CLNK: variants seen among roughly 807,000 people sequenced by gnomAD.
CLNK encodes the protein cytokine dependent hematopoietic cell linker, also known as cytokine-dependent hematopoietic cell linker.
A neutral mutation model predicts 68.6 loss-of-function variants in CLNK; 74 were observed. The observed-to-expected ratio is 1.08, with a 90% CI of 0.89 to 1.31. The LOEUF (loss-of-function observed/expected upper bound fraction) is 1.31, where lower values mean the gene tolerates loss of function less well. Among genes scored for constraint, CLNK ranks in the 50% most tolerant of loss-of-function variants. The pLI is 0.00. For missense variants in CLNK, 553 were observed against 515.3 expected (o/e 1.07, Z -0.71); for synonymous variants, 198 against 172.2 (o/e 1.15, Z -1.17).
chr4:10,604,133 C>T (rs1433890301), intron 2 of CLNK, among the ~76,000 whole-genome samples: 1 of 152,146 alleles, frequency 6.6e-6, no homozygotes, highest in East Asian at 1.9e-4. Context: ...TCACCTTCCT[C>T]ATACATTGAT....
At chr4:10,575,282 C>T (rs1277454712) in intron 4 of CLNK, among the ~76,000 whole-genome samples, 1 of 152,230 alleles carries the variant, frequency 6.6e-6, no homozygotes, top group Admixed American at 6.5e-5. Context: ...GCCAGCCTCT[C>T]CTTGAGTCTG....
At chr4:10,501,470 T>C in intron 17 of CLNK, 59 bp from the exon 18 acceptor site, 2 of 1,537,838 alleles carry the variant, frequency 1.3e-6, no homozygotes, top group Non-Finnish European at 8.8e-7. Context: ...GCCCTTGTAA[T>C]GGTGGCAACA....
intron 4 of CLNK, among the ~76,000 whole-genome samples, chr4:10,582,364 GAC>G: frequency 6.6e-6 from 1 of 152,138 alleles, no homozygotes; most frequent in Non-Finnish European, 1.5e-5. Flanking sequence ...CAACCTTGAA[GAC>G]TGCTTTCCTT....
chr4:10,514,084 C>T (rs1320224225), intron 15 of CLNK, among the ~76,000 whole-genome samples: 1 of 138,536 alleles, frequency 7.2e-6, no homozygotes, highest in Non-Finnish European at 1.5e-5. Context: ...GTTCAATTCC[C>T]ACCTATGAGT....
chr4:10,677,264 G>A (rs968209318), intron 1 of CLNK, among the ~76,000 whole-genome samples: 6 of 152,258 alleles, frequency 3.9e-5, no homozygotes, highest in South Asian at 4.2e-4. Context: ...TCCCATGGAC[G>A]TCTAAAGGCT....
chr4:10,655,892 GC>G (rs1017342043), intron 2 of CLNK, among the ~76,000 whole-genome samples: 4 of 151,976 alleles, frequency 2.6e-5, no homozygotes, highest in Non-Finnish European at 1.5e-5. Flanking sequence ...CTCGTGATCT[GC>G]CCGCTTTGGC....
At chr4:10,681,918 A>G (rs747030234) in intron 1 of CLNK, among the ~76,000 whole-genome samples, 3 of 152,224 alleles carry the variant, frequency 2.0e-5, no homozygotes, top group Non-Finnish European at 4.4e-5. Flanking sequence ...CACCTACTTA[A>G]AAAGTGAGAA....
intron 2 of CLNK, among the ~76,000 whole-genome samples, chr4:10,624,433 T>C (rs1722582692): frequency 1.3e-5 from 2 of 151,952 alleles, no homozygotes; most frequent in African/African-American, 2.4e-5. Flanking sequence ...GCTCGGACTA[T>C]AGGCGCCCGC....
intron 2 of CLNK, among the ~76,000 whole-genome samples, chr4:10,637,461 G>T (rs546001086): frequency 1.3e-3 from 166 of 130,788 alleles, no homozygotes; most frequent in African/African-American, 2.5e-3. Flanking sequence ...TTTTGGCAGG[G>T]TTGTTTCTTA....
At chr4:10,597,863 A>G in intron 3 of CLNK, 115 bp downstream of exon 3, 1 of 720,816 alleles carries the variant, frequency 1.4e-6, no homozygotes, top group East Asian at 2.7e-5. Context: ...CTGACCTCTA[A>G]GTCACTACAG....
Position 10,489,258 on chromosome 4 carries a change from T to C in CLNK, c.*1209A>G, listed in dbSNP as rs906305576. ...TCTTTATTGTAAAACAATAATAAAATTAAATCCTCTTAACCTCTACAGGGA... is the reference window on the plus strand; with the variant it reads ...TCTTTATTGTAAAACAATAATAAAACTAAATCCTCTTAACCTCTACAGGGA... On this transcript the variant is annotated 3_prime_UTR_variant, in exon 19 of 19. Coordinates refer to ENST00000226951, the MANE Select transcript of CLNK (RefSeq NM_052964.4). 45 of 152,220 alleles carry C rather than the reference T, an allele frequency of 3.0e-4. No homozygotes were observed. The highest frequency in any genetic ancestry group is 1.0e-3 in the African/African-American group (43 of 41,460). 9.4% of individuals were successfully genotyped at this position (152,220 alleles called of 1,614,324 possible).
chr4:10,612,697 C>G (rs1019872074), intron 2 of CLNK, among the ~76,000 whole-genome samples: 1 of 152,122 alleles, frequency 6.6e-6, no homozygotes, highest in Admixed American at 6.6e-5. Flanking sequence ...CTGATGAGCT[C>G]TGGGGTGTGG....
rs960026198 is a variant in CLNK, at chr4:10,541,227, A to C, written c.492-623T>G. Among the ~76,000 whole-genome samples, 272 of 151,912 alleles carry C rather than the reference A, an allele frequency of 1.8e-3. 3 individuals carry two copies. Among genetic ancestry groups the C allele is most frequent in the Non-Finnish European group, 2.1e-3 (141 of 67,940 alleles). On this transcript the variant is annotated intron_variant, in intron 10 of 18. Transcript: ENST00000226951. ...AGACTGTCTCAAAAAAAAAACAAAA[A>C]AAAAAAAACCCAATAAGAAATATAA... is the stretch of plus-strand genomic sequence containing the variant.
intron 2 of CLNK, among the ~76,000 whole-genome samples, chr4:10,600,258 G>A (rs561154044): frequency 3.3e-5 from 5 of 151,998 alleles, no homozygotes; most frequent in South Asian, 2.1e-4. Flanking sequence ...TTACTTCCCC[G>A]TGAACTCTTC....
At chr4:10,610,667 A>C (rs945120589) in intron 2 of CLNK, among the ~76,000 whole-genome samples, 12 of 152,032 alleles carry the variant, frequency 7.9e-5, no homozygotes, top group African/African-American at 2.9e-4. Context: ...ACAACAGTGA[A>C]TTACCCCTTT....
intron 7 of CLNK, among the ~76,000 whole-genome samples, chr4:10,559,748 C>T (rs1398335620): frequency 6.6e-6 from 1 of 152,084 alleles, no homozygotes; most frequent in Non-Finnish European, 1.5e-5. Flanking sequence ...CAATTCCCAA[C>T]TTCTGTCAAA....
At chr4:10,644,712 C>A (rs1393727754) in intron 2 of CLNK, among the ~76,000 whole-genome samples, 1 of 152,104 alleles carries the variant, frequency 6.6e-6, no homozygotes, top group African/African-American at 2.4e-5. Context: ...TAATAAAAAT[C>A]AAATTTTAAA....
At chr4:10,695,628 A>T in the CLNK span, among the ~76,000 whole-genome samples, 1 of 151,960 alleles carries the variant, frequency 6.6e-6, no homozygotes, top group African/African-American at 2.4e-5. Flanking sequence ...GGGGGATGAA[A>T]CCCTCTCTTC....
chr4:10,717,991 A>G, the CLNK span, among the ~76,000 whole-genome samples: 1 of 152,244 alleles, frequency 6.6e-6, no homozygotes, highest in Non-Finnish European at 1.5e-5. Context: ...GTCTTAGCAA[A>G]AACAGCAAAG....
Sources: gnomAD v4.1 joint callset for allele counts (sites outside exome capture counted in the v4.1 genomes callset) on GRCh38, gnomAD v4.1.1 for gene constraint, MANE v1.5 for transcripts, NCBI Gene and HGNC (gene_info 2026-07-23, HGNC 2026-07-21) for gene names.